Variants in PCDH15 observed in about 807,000 individuals in gnomAD.
PCDH15 encodes the protein protocadherin related 15, also known as protocadherin-15.
PCDH15 carries 129 observed loss-of-function variants against 178.5 expected under a neutral mutation model. That is an observed-to-expected ratio of 0.72 (90% CI 0.63 to 0.84). PCDH15 has a LOEUF of 0.84. PCDH15 is among the 40% of genes least tolerant of loss of function. PCDH15 has a pLI of 0.00. For synonymous variants in PCDH15, 800 were observed against 732.0 expected (o/e 1.09, Z -1.50); for missense variants, 2,230 against 2,099.9 (o/e 1.06, Z -1.21).
At chr10:54,398,864 G>T (rs1589215881) in intron 3 of PCDH15, among the ~76,000 whole-genome samples, 1 of 152,044 alleles carries the variant, frequency 6.6e-6, no homozygotes, top group East Asian at 1.9e-4. Flanking sequence ...CTGCTAAAAT[G>T]AATGGACAAT....
At chr10:55,196,762 G>A (rs1054577680) in intron 1 of PCDH15, among the ~76,000 whole-genome samples, 5 of 151,784 alleles carry the variant, frequency 3.3e-5, no homozygotes, top group African/African-American at 7.3e-5. Flanking sequence ...TTTTCCATAC[G>A]GACGAGTTTT....
chr10:54,096,136 C>T (rs79134600), intron 15 of PCDH15, among the ~76,000 whole-genome samples: 4 of 152,084 alleles, frequency 2.6e-5, no homozygotes, highest in African/African-American at 9.6e-5. Flanking sequence ...AATTCATATT[C>T]TATGCCTTTT....
intron 14 of PCDH15, among the ~76,000 whole-genome samples, chr10:54,144,442 C>T (rs2043707678): frequency 6.6e-6 from 1 of 152,158 alleles, no homozygotes; most frequent in Non-Finnish European, 1.5e-5. Context: ...AAATGAAACG[C>T]ACCAGATCAC....
At chr10:55,284,542 G>C (rs1177801247) in intron 1 of PCDH15, among the ~76,000 whole-genome samples, 1 of 149,690 alleles carries the variant, frequency 6.7e-6, no homozygotes, top group Non-Finnish European at 1.5e-5. Flanking sequence ...CTATGACTCT[G>C]ACCTTTGCAC....
rs561376153 is a variant in PCDH15 at position 54,514,660 on chromosome 10, T to C, written c.157+13152A>G. ...ATTGCTTTTCTCCTGGGATTCAAAATAGACTTCAAAAAAAAAAAAAAAACA... is the reference window on the plus strand; with the variant it reads ...ATTGCTTTTCTCCTGGGATTCAAAACAGACTTCAAAAAAAAAAAAAAAACA... On this transcript the variant is annotated intron_variant, in intron 3 of 37. Coordinates refer to ENST00000644397, the MANE Select transcript of PCDH15 (RefSeq NM_001384140.1). Among the ~76,000 whole-genome samples, 6 of 103,606 alleles carry C rather than the reference T, an allele frequency of 5.8e-5. No individual in the cohort carries two copies. The South Asian group carries it at 1.5e-3, about 25-fold the overall frequency. The allele number at this position is 103,606 out of a possible 152,430, so 68.0% of individuals were successfully genotyped here.
chr10:55,439,980 G>A (rs868181249), intron 2 of PCDH15, among the ~76,000 whole-genome samples: 2 of 152,084 alleles, frequency 1.3e-5, no homozygotes, highest in African/African-American at 2.4e-5. Context: ...GAGACAAGAG[G>A]TCCGTTGTAC....
intron 21 of PCDH15, among the ~76,000 whole-genome samples, chr10:53,964,381 T>C (rs1463051150): frequency 5.4e-5 from 8 of 147,194 alleles, no homozygotes; most frequent in Non-Finnish European, 1.2e-4. Flanking sequence ...AAAAAATTTA[T>C]TTATAAATTT....
intron 18 of PCDH15, among the ~76,000 whole-genome samples, chr10:54,059,100 A>G (rs147475607): frequency 4.1e-4 from 63 of 152,246 alleles, no homozygotes; most frequent in Non-Finnish European, 7.4e-4. Context: ...TCTACTCTCT[A>G]TTTCCATGAG....
intron 1 of PCDH15, among the ~76,000 whole-genome samples, chr10:54,729,532 T>C (rs11527500): frequency 0.12 from 18,513 of 151,498 alleles, 1,263 homozygotes; most frequent in African/African-American, 0.17. Context: ...GCAATTGCAA[T>C]AAAAACAAAA....
intron 3 of PCDH15, among the ~76,000 whole-genome samples, chr10:54,857,115 A>T (rs1261113453): frequency 6.6e-6 from 1 of 152,134 alleles, no homozygotes; most frequent in Non-Finnish European, 1.5e-5. Flanking sequence ...CCATTGCCTC[A>T]ATACTGTGGG....
intron 3 of PCDH15, among the ~76,000 whole-genome samples, chr10:54,895,998 T>C (rs1954538370): frequency 1.3e-5 from 2 of 152,156 alleles, no homozygotes; most frequent in South Asian, 4.2e-4. Flanking sequence ...GCGATCCTCC[T>C]GCCTCATCCT....
chr10:55,173,787 C>T (rs147258767), intron 1 of PCDH15, among the ~76,000 whole-genome samples: 6 of 151,968 alleles, frequency 3.9e-5, no homozygotes, highest in East Asian at 1.9e-4. Context: ...TTTTCCTTTG[C>T]GTTTTTTCTT....
chr10:55,537,521 C>T (rs769263770), intron 2 of PCDH15, among the ~76,000 whole-genome samples: 24 of 146,844 alleles, frequency 1.6e-4, no homozygotes, highest in Non-Finnish European at 2.7e-4. Flanking sequence ...CTGCAAGCTC[C>T]GCCTCCTGGG....
At chr10:54,099,531 T>TATATATATATATATAA (rs998333562) in intron 15 of PCDH15, among the ~76,000 whole-genome samples, 10 of 129,666 alleles carry the variant, frequency 7.7e-5, no homozygotes, top group African/African-American at 2.7e-4. Context: ...TATATATATA[T>TATATATATATATATAA]AAAACAAAAA....
At chr10:54,899,655 C>T (rs1223266879) in intron 2 of PCDH15, among the ~76,000 whole-genome samples, 1 of 151,956 alleles carries the variant, frequency 6.6e-6, no homozygotes, top group Admixed American at 6.6e-5. Flanking sequence ...CACCACCAGG[C>T]CTGGCTAATT....
intron 2 of PCDH15, among the ~76,000 whole-genome samples, chr10:54,584,592 A>G (rs1326288626): frequency 6.6e-6 from 1 of 151,998 alleles, no homozygotes; most frequent in African/African-American, 2.4e-5. Context: ...TTTACTCCTT[A>G]CTGGTTTTCT....
chr10:54,522,117 A>C (rs1194619301), intron 3 of PCDH15, among the ~76,000 whole-genome samples: 1 of 150,928 alleles, frequency 6.6e-6, no homozygotes, highest in East Asian at 2.0e-4. Flanking sequence ...AAAAGGAATA[A>C]AATTATCTGT....
At chr10:55,389,825 C>A (rs1313085662) in intron 2 of PCDH15, among the ~76,000 whole-genome samples, 1 of 151,918 alleles carries the variant, frequency 6.6e-6, no homozygotes, top group Non-Finnish European at 1.5e-5. Context: ...CCAAAAAATG[C>A]CATATCGGTG....
intron 2 of PCDH15, among the ~76,000 whole-genome samples, chr10:55,145,639 T>C (rs1838486594): frequency 1.3e-5 from 2 of 151,984 alleles, no homozygotes; most frequent in African/African-American, 4.8e-5. Context: ...CATCCTTTGT[T>C]TCTTGGGCAG....
Sources: gnomAD v4.1 joint callset for allele counts (sites outside exome capture counted in the v4.1 genomes callset) on GRCh38, gnomAD v4.1.1 for gene constraint, MANE v1.5 for transcripts, NCBI Gene and HGNC (gene_info 2026-07-23, HGNC 2026-07-21) for gene names.